TCF4: variants seen among roughly 807,000 people sequenced by gnomAD.
The protein encoded by TCF4 is transcription factor 4.
In TCF4, 3 loss-of-function variants were observed where a neutral mutation model predicts 82.1. The ratio of observed to expected loss-of-function variants is 0.04; its 90% CI spans 0.02 to 0.09. The LOEUF (loss-of-function observed/expected upper bound fraction) is 0.09, where lower values mean the gene tolerates loss of function less well. Among genes scored for constraint, TCF4 ranks in the 10% least tolerant of loss-of-function variants. The probability of loss-of-function intolerance (pLI) is 1.00; values close to 1 mark genes in which losing one functional copy is unlikely to be tolerated. For missense variants in TCF4, 518 were observed against 852.7 expected (o/e 0.61, Z 4.89); for synonymous variants, 276 against 309.6 (o/e 0.89, Z 1.14).
intron 5 of TCF4, among the ~76,000 whole-genome samples, chr18:55,410,962 C>T (rs1230151439): frequency 6.6e-6 from 1 of 152,144 alleles, no homozygotes; most frequent in African/African-American, 2.4e-5. Flanking sequence ...ATCAGCCCCT[C>T]ACTTGGCATC....
chr18:55,262,606 T>A (rs1024655962), intron 11 of TCF4, among the ~76,000 whole-genome samples: 1 of 152,168 alleles, frequency 6.6e-6, no homozygotes, highest in Non-Finnish European at 1.5e-5. Context: ...CCAGCCCCAT[T>A]CTTGAACTAA....
At position 55,495,310 on chromosome 18, in the gene TCF4, G is replaced by GAA. The variant is rs775843147; in HGVS notation, c.146-31175_146-31174dup. Among the ~76,000 whole-genome samples the GAA allele has an allele frequency of 2.0e-3, 249 of 125,564 alleles. 1 individual carries two copies. Among genetic ancestry groups the GAA allele is most frequent in the South Asian group, 0.019 (73 of 3,898 alleles). The allele number at this position is 125,564 out of a possible 152,430, so 82.4% of individuals were successfully genotyped here. ...GTGGAGAATATAAGAAGGTATTTGGGAAAAAAAAAAAAAAAGAAGGTATTT... is the reference window on the plus strand; with the variant it reads ...GTGGAGAATATAAGAAGGTATTTGGGAAAAAAAAAAAAAAAAAGAAGGTATTT... On this transcript the variant is annotated intron_variant, in intron 3 of 19. Transcript: ENST00000354452.
intron 3 of TCF4, among the ~76,000 whole-genome samples, chr18:55,580,904 T>C (rs780032855): frequency 7.9e-5 from 12 of 151,948 alleles, no homozygotes; most frequent in Non-Finnish European, 1.5e-5. Context: ...AGGATAGTAG[T>C]AATCCTTGCA....
At chr18:55,245,761 C>T (rs1277594986) in intron 15 of TCF4, among the ~76,000 whole-genome samples, 4 of 152,234 alleles carry the variant, frequency 2.6e-5, no homozygotes, top group East Asian at 1.9e-4. Flanking sequence ...GCATCTTCTC[C>T]GGGAAGCTTT....
At chr18:55,394,671 T>A (rs1020328324) in intron 6 of TCF4, among the ~76,000 whole-genome samples, 3 of 152,214 alleles carry the variant, frequency 2.0e-5, no homozygotes, top group African/African-American at 2.4e-5. Context: ...ATTTGCATGT[T>A]GGAAATGCTA....
intron 3 of TCF4, among the ~76,000 whole-genome samples, chr18:55,533,274 C>T (rs2097085632): frequency 6.6e-6 from 1 of 152,164 alleles, no homozygotes; most frequent in South Asian, 2.1e-4. Context: ...CAGGCAGGCT[C>T]AGGTAAAGCA....
intron 3 of TCF4, among the ~76,000 whole-genome samples, chr18:55,536,847 G>C (rs1442955446): frequency 6.6e-6 from 1 of 152,156 alleles, no homozygotes. Context: ...AGTACTTCCA[G>C]TTTCTGGCCG....
At chr18:55,400,134 AAG>A (rs749340498) in intron 6 of TCF4, among the ~76,000 whole-genome samples, 17 of 152,108 alleles carry the variant, frequency 1.1e-4, no homozygotes, top group Non-Finnish European at 2.2e-4. Context: ...AAGCAGCAAA[AAG>A]AAACCAAAAC....
intron 3 of TCF4, among the ~76,000 whole-genome samples, chr18:55,510,337 A>C (rs964524121): frequency 1.3e-5 from 2 of 152,194 alleles, no homozygotes; most frequent in African/African-American, 4.8e-5. Context: ...AGCAAAAAAA[A>C]GTTAGAGCTT....
intron 3 of TCF4, among the ~76,000 whole-genome samples, chr18:55,556,197 T>G (rs934953168): frequency 6.6e-6 from 1 of 152,206 alleles, no homozygotes; most frequent in Non-Finnish European, 1.5e-5. Flanking sequence ...TCTTTGACTT[T>G]CAAAGGAGTG....
upstream of TCF4, chr18:55,591,392 C>T (rs551762994): frequency 6.6e-6 from 1 of 152,256 alleles, no homozygotes; most frequent in Non-Finnish European, 1.5e-5. Context: ...ATTCTTTGAA[C>T]TAAGGCCCAA....
chr18:55,574,479 C>T (rs1055811419), intron 3 of TCF4, among the ~76,000 whole-genome samples: 2 of 152,114 alleles, frequency 1.3e-5, no homozygotes, highest in East Asian at 3.9e-4. Flanking sequence ...CACCTGCCAC[C>T]ACGCCCAGCT....
chr18:55,514,154 T>C (rs903038358), intron 3 of TCF4, among the ~76,000 whole-genome samples: 1 of 152,124 alleles, frequency 6.6e-6, no homozygotes, highest in Non-Finnish European at 1.5e-5. Context: ...TCTTCTCAGA[T>C]TTCTACTGTA....
At chr18:55,490,028 T>C (rs574621515) in intron 3 of TCF4, among the ~76,000 whole-genome samples, 1 of 152,294 alleles carries the variant, frequency 6.6e-6, no homozygotes, top group African/African-American at 2.4e-5. Flanking sequence ...CATGAAGAAT[T>C]AGAAAGAACG....
At chr18:55,346,634 T>C (rs987530366) in intron 8 of TCF4, among the ~76,000 whole-genome samples, 3 of 152,180 alleles carry the variant, frequency 2.0e-5, no homozygotes, top group Non-Finnish European at 2.9e-5. Flanking sequence ...TCATTAAAGA[T>C]GCAAATCGGA....
chr18:55,586,170 GC>G, intron 2 of TCF4: 1 of 418,378 alleles, frequency 2.4e-6, no homozygotes, highest in Non-Finnish European at 3.3e-6. Flanking sequence ...AGCAGCAGCA[GC>G]AGCAGCAGCA....
chr18:55,420,156 T>C (rs1334515542), intron 5 of TCF4, among the ~76,000 whole-genome samples: 2 of 152,118 alleles, frequency 1.3e-5, no homozygotes, highest in Admixed American at 6.5e-5. Context: ...AACAATGCCA[T>C]GACAAAGGTC....
intron 3 of TCF4, among the ~76,000 whole-genome samples, chr18:55,503,677 C>T (rs2096723756): frequency 6.6e-6 from 1 of 152,188 alleles, no homozygotes; most frequent in South Asian, 2.1e-4. Context: ...TTTGTTATTC[C>T]TAACACATTC....
intron 2 of TCF4, among the ~76,000 whole-genome samples, chr18:55,624,907 G>A (rs1174750457): frequency 1.3e-5 from 2 of 152,092 alleles, no homozygotes; most frequent in Non-Finnish European, 2.9e-5. Context: ...AGTGTCAAAT[G>A]CCTGACCCTT....
Sources: gnomAD v4.1 joint callset for allele counts (sites outside exome capture counted in the v4.1 genomes callset) on GRCh38, gnomAD v4.1.1 for gene constraint, MANE v1.5 for transcripts, NCBI Gene and HGNC (gene_info 2026-07-23, HGNC 2026-07-21) for gene names.